KDM4C: variants seen among roughly 807,000 people sequenced by gnomAD.
KDM4C encodes the protein lysine-specific demethylase 4C.
A neutral mutation model predicts 129.3 loss-of-function variants in KDM4C; 81 were observed. The observed-to-expected ratio is 0.63, with a 90% CI of 0.52 to 0.75. KDM4C has a LOEUF of 0.75. Ranked by LOEUF, KDM4C falls within the 30% of genes least tolerant of loss-of-function variation. KDM4C has a pLI of 0.00. For synonymous variants in KDM4C, 573 were observed against 456.1 expected (o/e 1.26, Z -3.26); for missense variants, 1,457 against 1,304.0 (o/e 1.12, Z -1.81).
intron 1 of KDM4C, among the ~76,000 whole-genome samples, chr9:6,783,128 C>T (rs1465223501): frequency 6.6e-6 from 1 of 152,148 alleles, no homozygotes; most frequent in African/African-American, 2.4e-5. Flanking sequence ...TAAAAGGTAG[C>T]TCCCACTGTT....
chr9:7,011,069 G>C (rs945696883), intron 12 of KDM4C, among the ~76,000 whole-genome samples: 1 of 151,930 alleles, frequency 6.6e-6, no homozygotes, highest in African/African-American at 2.4e-5. Flanking sequence ...GAAAGAAAAA[G>C]AAATATACAT....
At chr9:7,048,988 C>A in intron 16 of KDM4C, 104 bp from the exon 17 acceptor site, 1 of 695,462 alleles carries the variant, frequency 1.4e-6, no homozygotes, top group Non-Finnish European at 2.5e-6. Flanking sequence ...TTTTGGCTTT[C>A]TTGCTCATCT....
intron 8 of KDM4C, among the ~76,000 whole-genome samples, chr9:6,946,566 C>G (rs1054049599): frequency 6.6e-6 from 1 of 152,060 alleles, no homozygotes; most frequent in Non-Finnish European, 1.5e-5. Context: ...GGGTAAATCT[C>G]TACCAAGTTT....
chr9:7,103,668 C>G lies in KDM4C; in HGVS notation c.2425-17C>G, dbSNP rs1299272952. On this transcript the variant is annotated splice_polypyrimidine_tract_variant and intron_variant, in intron 17 of 21. Coordinates refer to ENST00000381309, the MANE Select transcript of KDM4C (RefSeq NM_015061.6). ...ACAGAATGTGAATTGATGTTCTTCT[C>G]TGTTTTAACCTTCCAGAAATGCATC... 1.6e-5 allele frequency: 26 copies of G among 1,585,074 alleles called. No homozygotes were observed. Among genetic ancestry groups the G allele is most frequent in the Non-Finnish European group, 2.2e-5 (26 of 1,161,162 alleles).
At chr9:7,053,021 AGCT>A (rs1174463820) in intron 17 of KDM4C, among the ~76,000 whole-genome samples, 1 of 152,214 alleles carries the variant, frequency 6.6e-6, no homozygotes, top group Non-Finnish European at 1.5e-5. Context: ...GTAGAAAAAG[AGCT>A]GCTGTCCCTT....
chr9:6,822,041 A>G (rs1217048528), intron 4 of KDM4C, among the ~76,000 whole-genome samples: 1 of 152,208 alleles, frequency 6.6e-6, no homozygotes, highest in Non-Finnish European at 1.5e-5. Flanking sequence ...AACACAACTT[A>G]AGCAAGTTAT....
chr9:7,019,767 A>G (rs150651755), intron 15 of KDM4C, among the ~76,000 whole-genome samples: 2 of 122,834 alleles, frequency 1.6e-5, no homozygotes, highest in South Asian at 4.6e-4. Context: ...ATAAAAATAT[A>G]ATATTTTTAT....
At position 7,150,714 on chromosome 9, in the gene KDM4C, G is replaced by A. The variant is rs533386190; in HGVS notation, c.2782-14524G>A. 2.1e-4 allele frequency among the ~76,000 whole-genome samples: 32 copies of A among 152,144 alleles called. 1 individual carries two copies. The highest frequency in any genetic ancestry group is 8.3e-4 in the South Asian group (4 of 4,824). ...GGCCCTTTTGGGTGTGGTCAACCCC[G>A]CAGTGTCAACCCTGTTTCTAGTTAT... On this transcript the variant is annotated intron_variant, in intron 19 of 21. Transcript: ENST00000381309.
At chr9:6,762,956 G>C (rs111673708) in intron 1 of KDM4C, among the ~76,000 whole-genome samples, 3 of 151,552 alleles carry the variant, frequency 2.0e-5, no homozygotes, top group Non-Finnish European at 4.4e-5. Context: ...CACCACACCC[G>C]GCCAGGTCAT....
intron 3 of KDM4C, among the ~76,000 whole-genome samples, chr9:6,807,661 A>G (rs531103653): frequency 4.9e-4 from 71 of 144,366 alleles, no homozygotes; most frequent in African/African-American, 1.7e-3. Context: ...ACCCCGTCTG[A>G]GAAGTGAGGA....
intron 5 of KDM4C, among the ~76,000 whole-genome samples, chr9:6,861,973 C>T (rs1384167051): frequency 5.9e-5 from 9 of 151,902 alleles, no homozygotes; most frequent in East Asian, 1.9e-4. Context: ...GGTTTTGCCG[C>T]GTTGGCCAGG....
chr9:6,989,400 A>C lies in KDM4C; in HGVS notation c.1678-1016A>C, dbSNP rs537577996. 2.0e-5 allele frequency among the ~76,000 whole-genome samples: 3 copies of C among 152,256 alleles called. No individual in the cohort carries two copies. The East Asian group carries it at 5.8e-4, about 29-fold the overall frequency. ...CTTTCCCTTCCCCCTGCCTTTAAAAATTTTGCGTTGTGCGAGCAAGAGAGC... is the reference window on the plus strand; with the variant it reads ...CTTTCCCTTCCCCCTGCCTTTAAAACTTTTGCGTTGTGCGAGCAAGAGAGC... On this transcript the variant is annotated intron_variant, in intron 11 of 21. Coordinates refer to ENST00000381309, the MANE Select transcript of KDM4C (RefSeq NM_015061.6).
At chr9:7,117,827 A>G (rs542124060) in intron 18 of KDM4C, among the ~76,000 whole-genome samples, 1 of 152,298 alleles carries the variant, frequency 6.6e-6, no homozygotes. Context: ...ACAGTAATGA[A>G]ATTGGATGTG....
chr9:7,063,114 G>A (rs1831942510), intron 17 of KDM4C, among the ~76,000 whole-genome samples: 2 of 152,092 alleles, frequency 1.3e-5, no homozygotes, highest in South Asian at 4.1e-4. Flanking sequence ...AATAGAATTT[G>A]CCACATATCT....
At chr9:6,928,663 T>G (rs542699969) in intron 8 of KDM4C, among the ~76,000 whole-genome samples, 1 of 152,246 alleles carries the variant, frequency 6.6e-6, no homozygotes, top group African/African-American at 2.4e-5. Flanking sequence ...GGTCTTTGCT[T>G]TGTTATTGTC....
At chr9:6,985,179 A>ACC (rs1222991401) in intron 10 of KDM4C, among the ~76,000 whole-genome samples, 1 of 152,088 alleles carries the variant, frequency 6.6e-6, no homozygotes, top group Non-Finnish European at 1.5e-5. Flanking sequence ...AGCTGTAGTC[A>ACC]CCCCCGCTAG....
At position 7,155,358 on chromosome 9, in the gene KDM4C, TA is replaced by T. The variant is rs1207598181; in HGVS notation, c.2782-9879del. Among the ~76,000 whole-genome samples, 10 of 152,288 alleles carry T rather than the reference TA, an allele frequency of 6.6e-5. No homozygotes were observed. The East Asian group carries it at 9.7e-4, about 15-fold the overall frequency. On this transcript the variant is annotated intron_variant, in intron 19 of 21. Transcript: ENST00000381309. ...AATTTTTTTCAGACCTTTTATTTAT[TA>T]TTTTTTTTTAAATTATACTTTAAGT...
intron 9 of KDM4C, among the ~76,000 whole-genome samples, chr9:6,983,550 A>G (rs1451158420): frequency 2.8e-5 from 4 of 140,774 alleles, no homozygotes; most frequent in African/African-American, 5.4e-5. Flanking sequence ...ACCCGGGACA[A>G]TATAGTGAGA....
chr9:6,754,431 T>C (rs1353888867), upstream of KDM4C, among the ~76,000 whole-genome samples: 1 of 152,136 alleles, frequency 6.6e-6, no homozygotes, highest in East Asian at 1.9e-4. Context: ...TAGGCTGGTC[T>C]TGAACTCCTG....
Sources: allele counts gnomAD v4.1 joint callset (sites outside exome capture counted in the v4.1 genomes callset), GRCh38; gene constraint gnomAD v4.1.1; transcripts MANE v1.5; gene names NCBI Gene and HGNC (gene_info 2026-07-23, HGNC 2026-07-21).